Variants in DNM3 observed in about 807,000 individuals in gnomAD.
DNM3 encodes the protein dynamin-3.
Under a neutral mutation model 101.6 loss-of-function variants are expected in DNM3, and 47 were observed. The observed-to-expected ratio is 0.46, with a 90% CI of 0.37 to 0.59. The LOEUF (loss-of-function observed/expected upper bound fraction) is 0.59, where lower values mean the gene tolerates loss of function less well. DNM3 is among the 20% of genes least tolerant of loss of function. The pLI is 0.00. For missense variants in DNM3, 849 were observed against 1,085.7 expected (o/e 0.78, Z 3.06); for synonymous variants, 385 against 387.9 (o/e 0.99, Z 0.09).
intron 4 of DNM3, among the ~76,000 whole-genome samples, chr1:172,009,877 T>C (rs1371814202): frequency 1.3e-5 from 2 of 151,882 alleles, no homozygotes; most frequent in East Asian, 3.9e-4. Context: ...GTTGTTTAAA[T>C]CTCGTATACC....
chr1:172,316,942 T>A (rs1455400158), intron 16 of DNM3, among the ~76,000 whole-genome samples: 2 of 152,202 alleles, frequency 1.3e-5, no homozygotes, highest in African/African-American at 4.8e-5. Flanking sequence ...ATACATTTTT[T>A]TCAGCACCGC....
chr1:172,101,683 A>G (rs2147880965), intron 13 of DNM3, among the ~76,000 whole-genome samples: 1 of 152,296 alleles, frequency 6.6e-6, no homozygotes, highest in East Asian at 1.9e-4. Context: ...TAACTTGCCC[A>G]GTCACACAGA....
chr1:172,386,532 A>G (rs1221171829), intron 18 of DNM3, among the ~76,000 whole-genome samples: 3 of 152,214 alleles, frequency 2.0e-5, no homozygotes, highest in Non-Finnish European at 4.4e-5. Context: ...CTTCTGGAAA[A>G]CAGAGTGCAT....
intron 17 of DNM3, among the ~76,000 whole-genome samples, chr1:172,364,823 C>T (rs926299418): frequency 3.3e-5 from 5 of 151,800 alleles, no homozygotes; most frequent in Non-Finnish European, 7.4e-5. Flanking sequence ...AAGTATGTGG[C>T]ACCTCCCTGC....
At chr1:172,010,882 C>A (rs1381246812) in intron 4 of DNM3, among the ~76,000 whole-genome samples, 1 of 151,110 alleles carries the variant, frequency 6.6e-6, no homozygotes, top group Non-Finnish European at 1.5e-5. Context: ...TTTGTGAATT[C>A]CATTGCTTCT....
At chr1:171,927,461 A>G (rs2040667491) in intron 2 of DNM3, among the ~76,000 whole-genome samples, 1 of 152,086 alleles carries the variant, frequency 6.6e-6, no homozygotes, top group Admixed American at 6.5e-5. Context: ...AAAAATTATC[A>G]TCATTTAGCT....
intron 16 of DNM3, among the ~76,000 whole-genome samples, chr1:172,318,147 T>C (rs1000574254): frequency 3.9e-5 from 6 of 152,160 alleles, no homozygotes; most frequent in Admixed American, 2.6e-4. Context: ...ACATGATTAT[T>C]TCAATAGATG....
At chr1:171,970,917 C>T (rs6692129) in intron 2 of DNM3, among the ~76,000 whole-genome samples, 7,310 of 152,026 alleles carry the variant, frequency 0.048, 246 homozygotes, top group Non-Finnish European at 0.074. Flanking sequence ...TTATAACAAT[C>T]CAGTGGTGTG....
intron 14 of DNM3, among the ~76,000 whole-genome samples, chr1:172,141,703 A>G (rs1165860967): frequency 5.3e-5 from 8 of 152,082 alleles, no homozygotes; most frequent in Non-Finnish European, 1.0e-4. Context: ...GGGGGTAGAT[A>G]GTATATTTTG....
intron 1 of DNM3, among the ~76,000 whole-genome samples, chr1:171,900,951 A>C (rs983225844): frequency 4.6e-5 from 7 of 150,768 alleles, no homozygotes; most frequent in African/African-American, 1.7e-4. Context: ...TACTAAAAAA[A>C]AAATAGAAAA....
chr1:172,240,139 A>T (rs2061695977), intron 14 of DNM3, among the ~76,000 whole-genome samples: 1 of 152,112 alleles, frequency 6.6e-6, no homozygotes, highest in South Asian at 2.1e-4. Flanking sequence ...TTTCAAAGAA[A>T]CTATGTTCCT....
chr1:171,994,422 C>T (rs1405323708), intron 4 of DNM3, among the ~76,000 whole-genome samples: 1 of 152,118 alleles, frequency 6.6e-6, no homozygotes, highest in African/African-American at 2.4e-5. Flanking sequence ...CAGTAAATCG[C>T]TAAACATTTA....
At chr1:172,180,340 C>T (rs1328776083) in intron 14 of DNM3, among the ~76,000 whole-genome samples, 1 of 152,002 alleles carries the variant, frequency 6.6e-6, no homozygotes, top group Non-Finnish European at 1.5e-5. Context: ...TACCCTGTAT[C>T]GTAGATAGGG....
intron 14 of DNM3, among the ~76,000 whole-genome samples, chr1:172,229,623 C>G (rs2061258110): frequency 6.6e-6 from 1 of 152,044 alleles, no homozygotes; most frequent in Admixed American, 6.6e-5. Context: ...TTTAAAAACC[C>G]AAGTGATTAA....
At chr1:172,055,368 G>C (rs2050520430) in intron 10 of DNM3, among the ~76,000 whole-genome samples, 1 of 152,176 alleles carries the variant, frequency 6.6e-6, no homozygotes, top group South Asian at 2.1e-4. Context: ...CCATAAAGCA[G>C]AGTCTTTCTC....
chr1:172,255,617 G>T (rs189281375), intron 15 of DNM3, among the ~76,000 whole-genome samples: 2 of 152,240 alleles, frequency 1.3e-5, no homozygotes, highest in Middle Eastern at 3.4e-3. Context: ...GATATTTTGG[G>T]ATCTTGGAGT....
intron 16 of DNM3, among the ~76,000 whole-genome samples, chr1:172,313,540 T>C (rs2065169640): frequency 6.6e-6 from 1 of 152,210 alleles, no homozygotes; most frequent in Non-Finnish European, 1.5e-5. Flanking sequence ...ATGTGTGCCA[T>C]GGAATGAGGT....
intron 14 of DNM3, among the ~76,000 whole-genome samples, chr1:172,223,272 C>CT (rs398049746): frequency 0.046 from 6,289 of 135,548 alleles, 248 homozygotes; most frequent in African/African-American, 0.11. Flanking sequence ...TTTTTCTTTT[C>CT]TTTTTTTTTT....
chr1:171,950,875 A>C (rs1390682985), intron 2 of DNM3, among the ~76,000 whole-genome samples: 1 of 152,186 alleles, frequency 6.6e-6, no homozygotes, highest in Non-Finnish European at 1.5e-5. Context: ...ATATGTGTCC[A>C]TATGCCATAT....
Sources: gnomAD v4.1 joint callset for allele counts (sites outside exome capture counted in the v4.1 genomes callset) on GRCh38, gnomAD v4.1.1 for gene constraint, MANE v1.5 for transcripts, NCBI Gene and HGNC (gene_info 2026-07-23, HGNC 2026-07-21) for gene names.